NDUFA11: variants seen among roughly 807,000 people sequenced by gnomAD.
The protein encoded by NDUFA11 is NADH dehydrogenase [ubiquinone] 1 alpha subcomplex subunit 11.
Under a neutral mutation model 11.3 loss-of-function variants are expected in NDUFA11, and 14 were observed. The observed-to-expected ratio is 1.24, with a 90% CI of 0.82 to 1.94. The LOEUF (loss-of-function observed/expected upper bound fraction) is 1.94. NDUFA11 is among the 30% of genes most tolerant of loss of function. NDUFA11 has a pLI of 0.00. For missense variants in NDUFA11, 204 were observed against 200.3 expected, an observed-to-expected ratio of 1.02 and a Z score of -0.11; for synonymous variants, 87 against 85.6, an observed-to-expected ratio of 1.02 and a Z score of -0.09.
downstream of NDUFA11, chr19:5,893,194 A>C (rs1306274783): frequency 1.3e-6 from 2 of 1,535,984 alleles, no homozygotes; most frequent in South Asian, 1.2e-5. The surrounding 1 kb of genome is among the most constrained non-coding windows in gnomAD (Gnocchi z 4.1). Context: ...ACAGTGGCTC[A>C]TGCCTATAAT....
rs1356021132 is a variant in NDUFA11 at position 5,894,874 on chromosome 19, A to T, written c.314-20T>A. The T allele has an allele frequency of 6.3e-7, 1 of 1,582,366 alleles. No homozygotes were observed. On this transcript the variant is annotated intron_variant, in intron 3 of 3. Coordinates refer to ENST00000308961, the MANE Select transcript of NDUFA11 (RefSeq NM_175614.5). The stretch of plus-strand genomic sequence containing the variant: ...TGTGCGCTGTGGGAGTGGGGAGGTG[A>T]TGTCAGGCCCGGGTGGGGCTCGGCC...
At chr19:5,893,386 G>A, downstream of NDUFA11, 2 of 614,454 alleles carry the variant, frequency 3.3e-6, no homozygotes, top group Non-Finnish European at 5.7e-6. The surrounding 1 kb of genome is among the most constrained non-coding windows in gnomAD (Gnocchi z 4.1). Flanking sequence ...AGTCGCATAA[G>A]CCAGGAAGGT....
rs1486094875 is a variant in NDUFA11, at chr19:5,896,518, T to G, written c.248A>C (p.Lys83Thr). ...TTCISAHVRE[K>T]PDDPLNYFLG... Reference sequence around the variant, plus strand: ...GAAGTAGTTCAGGGGGTCGTCGGGCTTCTCGCGGACATGGGCGCTGATGCA... The same window carrying G: ...GAAGTAGTTCAGGGGGTCGTCGGGCGTCTCGCGGACATGGGCGCTGATGCA... Residue 83 changes from lysine to threonine, a missense_variant, in exon 3 of 4, where the codon AAG (lysine) becomes ACG (threonine). Transcript: ENST00000308961. This position sits in a 1 kb window ranked among gnomAD's most constrained non-coding sequence, Gnocchi z 5.8. 6.4e-7 allele frequency: 1 copy of G among 1,570,930 alleles called. No individual in the cohort carries two copies. The highest frequency in any genetic ancestry group is 8.6e-7 in the Non-Finnish European group (1 of 1,158,522).
At chr19:5,892,762 G>C (rs1302509912), downstream of NDUFA11, 1 of 1,033,038 alleles carries the variant, frequency 9.7e-7, no homozygotes, top group Non-Finnish European at 1.3e-6. Context: ...GTGCCCTCGA[G>C]TGGATGCGAT....
chr19:5,893,678 A>G (rs1466230644), downstream of NDUFA11, among the ~76,000 whole-genome samples: 1 of 152,078 alleles, frequency 6.6e-6, no homozygotes, highest in Non-Finnish European at 1.5e-5. This position sits in a 1 kb window ranked among gnomAD's most constrained non-coding sequence, Gnocchi z 4.1. Context: ...CTGAGGTGGG[A>G]GGATTGCTTG....
In NDUFA11 at chr19:5,899,188, C is replaced by T. The variant is rs888276697; in HGVS notation, c.98-2191G>A. ...TTCTTGAGATAGAGTCTCGCTCTGTCGCCCAGGCTGGAGTGCAGTGGCGCT... is the reference window on the plus strand; with the variant it reads ...TTCTTGAGATAGAGTCTCGCTCTGTTGCCCAGGCTGGAGTGCAGTGGCGCT... On this transcript the variant is annotated intron_variant, in intron 1 of 3. Transcript: ENST00000308961. Among the ~76,000 whole-genome samples the T allele has an allele frequency of 1.2e-3, 178 of 148,366 alleles. 3 individuals carry two copies. Among genetic ancestry groups the T allele is most frequent in the Admixed American group, 4.6e-3 (68 of 14,794 alleles).
chr19:5,899,384 C>T (rs1437032880), intron 1 of NDUFA11, among the ~76,000 whole-genome samples: 7 of 149,372 alleles, frequency 4.7e-5, no homozygotes, highest in African/African-American at 1.5e-4. Flanking sequence ...CTCCTGACCT[C>T]GTGATCCGCC....
downstream of NDUFA11, chr19:5,892,708 TGGTGGGCGCTGCCCCCTGCCGGCCGC>T: frequency 1.0e-5 from 6 of 587,544 alleles, no homozygotes; most frequent in Non-Finnish European, 1.6e-5. Flanking sequence ...GGCCGTGCTG[TGGTGGGCGCTGCCCCCTGCCGGCCGC>T]AGTAGAGACA....
Position 5,896,684 on chromosome 19 carries a change from C to T in NDUFA11, c.191-109G>A, listed in dbSNP as rs1170192324. ...AGAGAGATGCCACGAGTCGGCTGCT[C>T]GCTGTGCATGGCAGCCTCCTGGCCC... On this transcript the variant is annotated intron_variant, in intron 2 of 3. Coordinates refer to ENST00000308961, the MANE Select transcript of NDUFA11 (RefSeq NM_175614.5). The surrounding 1 kb of genome is among the most constrained non-coding windows in gnomAD (Gnocchi z 5.8). 3.4e-6 allele frequency: 5 copies of T among 1,485,996 alleles called. No individual in the cohort carries two copies. Among genetic ancestry groups the T allele is most frequent in the South Asian group, 2.4e-5 (2 of 83,518 alleles). 92.1% of individuals were successfully genotyped at this position (1,485,996 alleles called of 1,614,324 possible). A position where few individuals can be genotyped will look rare whatever the true frequency, so the allele number is the denominator to read the frequency against.
chr19:5,894,417 C>T (rs768817476), downstream of NDUFA11, among the ~76,000 whole-genome samples: 11 of 152,182 alleles, frequency 7.2e-5, no homozygotes, highest in Non-Finnish European at 1.3e-4. Context: ...GTCACTGGCA[C>T]GCTCCTGCCC....
At position 5,896,932 on chromosome 19, in the gene NDUFA11, T is replaced by C; in HGVS notation, c.163A>G (p.Lys55Glu). Residue 55 changes from lysine (K) to glutamate (E), a missense_variant, in exon 2 of 4, where the codon AAG becomes GAG. Transcript: ENST00000308961. The surrounding 1 kb of genome is among the most constrained non-coding windows in gnomAD (Gnocchi z 5.8). ...PPGTFLEGVAKVGQYTFTAAA... is the reference protein window; with the variant it reads ...PPGTFLEGVAEVGQYTFTAAA... ...GCAGTGAACGTGTATTGTCCAACCT[T>C]AGCCACTCCTTCAAGGAAGGTGCCC... The C allele has an allele frequency of 1.2e-6, 2 of 1,614,044 alleles. No individual in the cohort carries two copies. The highest frequency in any genetic ancestry group is 1.7e-6 in the Non-Finnish European group (2 of 1,179,992).
Position 5,894,751 on chromosome 19 carries a change from G to C in NDUFA11, c.417C>G (p.Pro139=). 1 of 1,613,192 alleles carries C rather than the reference G, an allele frequency of 6.2e-7. No homozygotes were observed. Among genetic ancestry groups the C allele is most frequent in the Non-Finnish European group, 8.5e-7 (1 of 1,179,710 alleles). The change falls in exon 4 of 4, where the codon CCC becomes CCG. Residue 139 remains proline, a synonymous_variant. Coordinates refer to ENST00000308961, the MANE Select transcript of NDUFA11 (RefSeq NM_175614.5). The part of the protein sequence containing the change: ...RLEGWEVFAK[P]KV ...CCGGCAGGCACAGGGCTCACACCTT[G>C]GGTTTTGCAAACACCTCCCAGCCCT...
At chr19:5,897,153 G>A (rs1432082815) in intron 1 of NDUFA11, among the ~76,000 whole-genome samples, 156 bp from the exon 2 acceptor site, 1 of 152,132 alleles carries the variant, frequency 6.6e-6, no homozygotes, top group East Asian at 1.9e-4. Flanking sequence ...AGCTGGATTT[G>A]AACTCGGGTT....
chr19:5,899,962 A>C (rs1387305161), intron 1 of NDUFA11: 1 of 152,112 alleles, frequency 6.6e-6, no homozygotes, highest in Non-Finnish European at 1.5e-5. Flanking sequence ...CCCACATGCC[A>C]GCTGTCCTGA....
Position 5,896,490 on chromosome 19 carries a change from G to T in NDUFA11, c.276C>A (p.Leu92=). The change falls in exon 3 of 4, where the codon CTC becomes CTA. Residue 92 remains leucine, a synonymous_variant. Transcript: ENST00000308961. The surrounding 1 kb of genome is among the most constrained non-coding windows in gnomAD (Gnocchi z 5.8). ...EKPDDPLNYF[L]GGCAGGLTLG... ...GAGTCAGGCCTCCGGCGCAGCCACC[G>T]AGGAAGTAGTTCAGGGGGTCGTCGG... The T allele has an allele frequency of 1.3e-6, 2 of 1,574,156 alleles. No individual in the cohort carries two copies. Among genetic ancestry groups the T allele is most frequent in the Non-Finnish European group, 1.7e-6 (2 of 1,160,128 alleles).
At chr19:5,893,240 T>G (rs2144944875), downstream of NDUFA11, 2 of 1,523,090 alleles carry the variant, frequency 1.3e-6, no homozygotes, top group East Asian at 4.9e-5. The surrounding 1 kb of genome is among the most constrained non-coding windows in gnomAD (Gnocchi z 4.1). Context: ...TGAGGACTGC[T>G]CGAGGCCAGG....
chr19:5,893,356 C>T (rs1162010957), downstream of NDUFA11: 22 of 696,054 alleles, frequency 3.2e-5, no homozygotes, highest in Non-Finnish European at 5.3e-5. The surrounding 1 kb of genome is among the most constrained non-coding windows in gnomAD (Gnocchi z 4.1). Flanking sequence ...TCCCAGCTAC[C>T]AGGGAGGCTG....
chr19:5,893,775 A>G (rs2057591350), downstream of NDUFA11, among the ~76,000 whole-genome samples: 1 of 152,180 alleles, frequency 6.6e-6, no homozygotes, highest in Non-Finnish European at 1.5e-5. The surrounding 1 kb of genome is among the most constrained non-coding windows in gnomAD (Gnocchi z 4.1). Context: ...TTTCACATCT[A>G]GGCCCCGCGG....
chr19:5,895,127 C>T (rs531569464), intron 3 of NDUFA11: 22 of 475,696 alleles, frequency 4.6e-5, no homozygotes, highest in South Asian at 7.4e-5. Flanking sequence ...GCGAGGACAC[C>T]GTGCTGCCCC....
Sources: gnomAD v4.1 joint callset for allele counts (sites outside exome capture counted in the v4.1 genomes callset) on GRCh38, gnomAD v4.1.1 for gene constraint, Gnocchi (gnomAD v3.1) non-coding constraint, MANE v1.5 for transcripts, NCBI Gene and HGNC (gene_info 2026-07-23, HGNC 2026-07-21) for gene names.